TRIM40: variants seen among roughly 807,000 people sequenced by gnomAD.
TRIM40 encodes E3 ubiquitin ligase TRIM40.
Under a neutral mutation model 26.1 loss-of-function variants are expected in TRIM40, and 27 were observed. The observed-to-expected ratio is 1.04, with a 90% confidence interval of 0.76 to 1.43. The LOEUF is 1.43. TRIM40 is among the 40% of genes most tolerant of loss of function. TRIM40 has a pLI of 0.00. For missense variants in TRIM40, 289 were observed against 307.9 expected (o/e 0.94, Z 0.46); for synonymous variants, 114 against 120.0 (o/e 0.95, Z 0.33).
At position 30,137,324 on chromosome 6, in the gene TRIM40, C is replaced by A. The variant is rs748453015; in HGVS notation, c.288C>A (p.Ser96=). 1 of 1,612,810 alleles carries A rather than the reference C, an allele frequency of 6.2e-7. No individual in the cohort carries two copies. Among genetic ancestry groups the A allele is most frequent in the Non-Finnish European group, 8.5e-7 (1 of 1,179,868 alleles). ...TTCTATGTGTGGAATGCCTGGTGTC[C>A]CCTGAACACATGTCTCATCATGAAC... The part of the protein sequence containing the change: ...RLLLCVECLV[S]PEHMSHHELT... The change falls in exon 2 of 6, where the codon TCC becomes TCA. Residue 96 remains serine (S), a synonymous_variant. Transcript: ENST00000396581.
At chr6:30,142,980 T>G (rs1771435640) in intron 2 of TRIM40, among the ~76,000 whole-genome samples, 2 of 152,278 alleles carry the variant, frequency 1.3e-5, no homozygotes, top group South Asian at 4.1e-4. Flanking sequence ...TTACCTGATA[T>G]TTTTGCTGTC....
At chr6:30,138,063 T>C (rs1173700520) in intron 2 of TRIM40, among the ~76,000 whole-genome samples, 2 of 129,282 alleles carry the variant, frequency 1.5e-5, no homozygotes, top group Non-Finnish European at 3.4e-5. Context: ...ATGAATGCAC[T>C]CTTACACACA....
At chr6:30,141,346 A>C (rs1481505168) in intron 2 of TRIM40, among the ~76,000 whole-genome samples, 1 of 152,120 alleles carries the variant, frequency 6.6e-6, no homozygotes, top group Non-Finnish European at 1.5e-5. Flanking sequence ...GAAACAAACA[A>C]CCAAGAAACC....
chr6:30,146,016 G>A lies in TRIM40; in HGVS notation c.368G>A (p.Arg123Lys). 1.2e-6 allele frequency: 2 copies of A among 1,613,070 alleles called. No homozygotes were observed. The highest frequency in any genetic ancestry group is 1.7e-6 in the Non-Finnish European group (2 of 1,180,016). Residue 123 changes from arginine to lysine, a missense_variant, in exon 3 of 6, where the codon AGG becomes AAG. By Grantham distance (26) the Arg-to-Lys change is conservative. Transcript: ENST00000396581. ...TAGGAACGACTCAATCGCCGGAGCA[G>A]GAAGCTCAGAAAGGACATTGCAGAA... ...HYKERLNRRS[R>K]KLRKDIAELQ... is the part of the protein sequence containing the mutation.
chr6:30,145,928 T>C, intron 2 of TRIM40, 66 bp from the exon 3 acceptor site: 1 of 1,290,914 alleles, frequency 7.7e-7, no homozygotes, highest in Non-Finnish European at 1.1e-6. Flanking sequence ...CCGTGTTCCA[T>C]TGACTCCTCC....
At position 30,136,987 on chromosome 6, in the gene TRIM40, TGAA is replaced by T. The variant is rs759532736; in HGVS notation, c.-45_-43del. On this transcript the variant is annotated 5_prime_UTR_variant, in exon 2 of 6. Transcript: ENST00000396581. ...GGGCAACAGGCCTTCCGAAGACCAGTGAAGAAGGAGGCCCTGCAAACAGGAGGC... is the reference window on the plus strand; with the variant it reads ...GGGCAACAGGCCTTCCGAAGACCAGTGAAGGAGGCCCTGCAAACAGGAGGC... 108 of 1,569,054 alleles carry T rather than the reference TGAA, an allele frequency of 6.9e-5. No homozygotes were observed. Among genetic ancestry groups the T allele is most frequent in the Non-Finnish European group, 8.6e-5 (99 of 1,153,538 alleles).
chr6:30,145,385 T>C (rs989529978), intron 2 of TRIM40, among the ~76,000 whole-genome samples: 2 of 152,224 alleles, frequency 1.3e-5, no homozygotes, highest in South Asian at 2.1e-4. Flanking sequence ...TTTTTGCTTC[T>C]CTTATAGGTC....
intron 4 of TRIM40, 128 bp from the exon 5 acceptor site, chr6:30,147,392 T>C: frequency 1.4e-6 from 2 of 1,429,706 alleles, no homozygotes; most frequent in South Asian, 2.4e-5. Flanking sequence ...AGAAGAGGGG[T>C]GTTGCTATGT....
Position 30,147,224 on chromosome 6 carries a change from G to T in TRIM40, c.666+15G>T. ...ACACACTGAAGGTGCATACCCTGAG[G>T]CCTTCCCCAAGGGCTGGGATTCTCC... On this transcript the variant is annotated intron_variant, in intron 4 of 5. Coordinates refer to ENST00000396581, the MANE Select transcript of TRIM40 (RefSeq NM_001286633.2). 1 of 1,613,762 alleles carries T rather than the reference G, an allele frequency of 6.2e-7. No individual in the cohort carries two copies. The highest frequency in any genetic ancestry group is 8.5e-7 in the Non-Finnish European group (1 of 1,179,710).
rs1226978042 is a variant in TRIM40 at position 30,146,984 on chromosome 6, G to A, written c.442-1G>A. The A allele has an allele frequency of 1.3e-6, 2 of 1,580,912 alleles. No homozygotes were observed. The highest frequency in any genetic ancestry group is 2.3e-5 in the South Asian group (2 of 87,850). ...AGTCTTAGGGAGCCCCTTTCCTGTA[G>A]TTTCAGGTAGACCACGGGAACCACA... On this transcript the variant is annotated splice_acceptor_variant, in intron 3 of 5. Coordinates refer to ENST00000396581, the MANE Select transcript of TRIM40 (RefSeq NM_001286633.2). LOFTEE classifies it high-confidence loss of function.
Position 30,147,908 on chromosome 6 carries a change from GCATCTT to G in TRIM40, c.*98_*103del. 1.0e-6 allele frequency: 1 copy of G among 990,468 alleles called. No homozygotes were observed. Among genetic ancestry groups the G allele is most frequent in the Non-Finnish European group, 1.6e-6 (1 of 628,102 alleles). 61.4% of individuals were successfully genotyped at this position (990,468 alleles called of 1,614,324 possible). On this transcript the variant is annotated 3_prime_UTR_variant, in exon 6 of 6. Coordinates refer to ENST00000396581, the MANE Select transcript of TRIM40 (RefSeq NM_001286633.2). The stretch of plus-strand genomic sequence containing the variant: ...CAGGCCCCCACTGGGTCTACCCAGT[GCATCTT>G]CGGGCCTGCCAGCTCCTGAACATGT...
chr6:30,142,356 CT>C (rs1454231438), intron 2 of TRIM40, among the ~76,000 whole-genome samples: 1 of 152,106 alleles, frequency 6.6e-6, no homozygotes, highest in African/African-American at 2.4e-5. Context: ...CGTTGTTTTA[CT>C]TTGCTTGATT....
chr6:30,137,388 C>G lies in TRIM40; in HGVS notation c.345+7C>G, dbSNP rs748109958. 6.2e-7 allele frequency: 1 copy of G among 1,605,782 alleles called. No homozygotes were observed. The highest frequency in any genetic ancestry group is 1.7e-5 in the Admixed American group (1 of 59,730). On this transcript the variant is annotated splice_region_variant and intron_variant, in intron 2 of 5. Coordinates refer to ENST00000396581, the MANE Select transcript of TRIM40 (RefSeq NM_001286633.2). Reference sequence around the variant, plus strand: ...TGCCCTCAGCCACTACAAGGTAAGCCTGGGTCACCGCAGCCAGGCCCTGCC... The same window carrying G: ...TGCCCTCAGCCACTACAAGGTAAGCGTGGGTCACCGCAGCCAGGCCCTGCC...
intron 1 of TRIM40, chr6:30,136,429 C>T (rs1283917981): frequency 6.5e-6 from 1 of 154,314 alleles, no homozygotes; most frequent in Non-Finnish European, 1.4e-5. Context: ...TCTATATGAC[C>T]CTGGGAGGGA....
chr6:30,148,016 G>A lies in TRIM40; in HGVS notation c.*204G>A, dbSNP rs1342492362. 3.3e-6 allele frequency: 2 copies of A among 600,098 alleles called. No homozygotes were observed. The highest frequency in any genetic ancestry group is 5.5e-5 in the East Asian group (2 of 36,328). The allele number at this position is 600,098 out of a possible 1,614,324, so 37.2% of individuals were successfully genotyped here. ...TTGGACGATAGCCAGCCTCCTTCCA[G>A]GACAGGCTCATGCTTGGGGCTGCCA... On this transcript the variant is annotated 3_prime_UTR_variant, in exon 6 of 6. Coordinates refer to ENST00000396581, the MANE Select transcript of TRIM40 (RefSeq NM_001286633.2).
At position 30,146,701 on chromosome 6, in the gene TRIM40, G is replaced by A. The variant is rs147362425; in HGVS notation, c.442-284G>A. ...GCTGGGATTACAGGTGTGAGCCACC[G>A]TGCCCGGCCGCCATAGGCCTCCATT... is the stretch of plus-strand genomic sequence containing the variant. On this transcript the variant is annotated intron_variant, in intron 3 of 5. Coordinates refer to ENST00000396581, the MANE Select transcript of TRIM40 (RefSeq NM_001286633.2). 2.2e-4 allele frequency among the ~76,000 whole-genome samples: 34 copies of A among 151,860 alleles called. No homozygotes were observed. In the East Asian group the frequency reaches 4.5e-3, roughly 20 times the overall value.
chr6:30,140,751 G>A (rs1771298641), intron 2 of TRIM40, among the ~76,000 whole-genome samples: 2 of 152,070 alleles, frequency 1.3e-5, no homozygotes, highest in Non-Finnish European at 2.9e-5. Context: ...GAAGGAGGAA[G>A]GTCAAAGATG....
In TRIM40 at chr6:30,146,075, C is replaced by T. The variant is rs1171434943; in HGVS notation, c.427C>T (p.Leu143=). 1 of 1,612,812 alleles carries T rather than the reference C, an allele frequency of 6.2e-7. No individual in the cohort carries two copies. Among genetic ancestry groups the T allele is most frequent in the Admixed American group, 1.7e-5 (1 of 60,002 alleles). The change falls in exon 3 of 6, where the codon CTG becomes TTG. Residue 143 remains leucine, a synonymous_variant. Transcript: ENST00000396581. The part of the protein sequence containing the change: ...QRLKAQQEKK[L]QALQFQVDHG... ...GCTCAAGGCTCAGCAGGAGAAGAAACTGCAGGCTCTGCAGGTGGGTTTTTC... is the reference window on the plus strand; with the variant it reads ...GCTCAAGGCTCAGCAGGAGAAGAAATTGCAGGCTCTGCAGGTGGGTTTTTC...
chr6:30,146,867 C>A, intron 3 of TRIM40, 118 bp from the exon 4 acceptor site: 2 of 1,011,306 alleles, frequency 2.0e-6, no homozygotes, highest in Non-Finnish European at 2.9e-6. Context: ...CACACAGAGG[C>A]AACACCATGA....
Sources: gnomAD v4.1 joint callset for allele counts (sites outside exome capture counted in the v4.1 genomes callset) on GRCh38, gnomAD v4.1.1 for gene constraint, MANE v1.5 for transcripts, NCBI Gene and HGNC (gene_info 2026-07-23, HGNC 2026-07-21) for gene names.